ROR1: variants seen among roughly 807,000 people sequenced by gnomAD.
ROR1 encodes inactive tyrosine-protein kinase transmembrane receptor ROR1.
In ROR1, 19 loss-of-function variants were observed where a neutral mutation model predicts 78.8. The ratio of observed to expected loss-of-function variants is 0.24; its 90% confidence interval spans 0.17 to 0.35. ROR1 has a LOEUF of 0.35. ROR1 is among the 10% of genes least tolerant of loss of function. The probability of loss-of-function intolerance (pLI) is 1.00; values close to 1 mark genes in which losing one functional copy is unlikely to be tolerated. For missense variants in ROR1, 917 were observed against 1,177.8 expected, an observed-to-expected ratio of 0.78 and a Z score of 3.24; for synonymous variants, 386 against 433.6, an observed-to-expected ratio of 0.89 and a Z score of 1.36.
At chr1:64,068,645 A>G (rs1646977052) in intron 4 of ROR1, among the ~76,000 whole-genome samples, 1 of 152,240 alleles carries the variant, frequency 6.6e-6, no homozygotes, top group African/African-American at 2.4e-5. Context: ...ACAAAGTACA[A>G]CAAAGCAATA....
In ROR1 at chr1:64,127,857, G is replaced by A. The variant is rs138064211; in HGVS notation, c.483-9512G>A. On this transcript the variant is annotated intron_variant, in intron 4 of 8. Coordinates refer to ENST00000371079, the MANE Select transcript of ROR1 (RefSeq NM_005012.4). ...TCTCATACAGGCATTCTAATAACAAGTATTCACTTACTGTGGACCCAAGAA... is the reference window on the plus strand; with the variant it reads ...TCTCATACAGGCATTCTAATAACAAATATTCACTTACTGTGGACCCAAGAA... Among the ~76,000 whole-genome samples, 270 of 152,216 alleles carry A rather than the reference G, an allele frequency of 1.8e-3. 1 individual carries two copies. Among genetic ancestry groups the A allele is most frequent in the African/African-American group, 6.3e-3 (261 of 41,554 alleles).
At chr1:63,854,028 A>C (rs1441582474) in intron 1 of ROR1, among the ~76,000 whole-genome samples, 1 of 152,204 alleles carries the variant, frequency 6.6e-6, no homozygotes, top group Admixed American at 6.5e-5. Context: ...CAGTGGGCCC[A>C]TCTGTAGAAT....
chr1:64,158,105 G>A (rs1271913341), intron 7 of ROR1, among the ~76,000 whole-genome samples: 1 of 152,158 alleles, frequency 6.6e-6, no homozygotes, highest in African/African-American at 2.4e-5. Context: ...TGGTTTCAAT[G>A]GTTAGGCTCA....
At position 63,935,261 on chromosome 1, in the gene ROR1, A is replaced by T. The variant is rs549669644; in HGVS notation, c.92-74044A>T. On this transcript the variant is annotated intron_variant, in intron 1 of 8. Transcript: ENST00000371079. Reference sequence around the variant, plus strand: ...GAATGGAGGGAGCTGTATGAACTTTATGCTTATAGCTTAGTTCTGCAAGCC... The same window carrying T: ...GAATGGAGGGAGCTGTATGAACTTTTTGCTTATAGCTTAGTTCTGCAAGCC... Among the ~76,000 whole-genome samples the T allele has an allele frequency of 2.2e-3, 334 of 152,278 alleles. 1 individual carries two copies. The highest frequency in any genetic ancestry group is 4.1e-3 in the Non-Finnish European group (282 of 68,028).
At chr1:63,930,935 T>C (rs1355034661) in intron 1 of ROR1, among the ~76,000 whole-genome samples, 1 of 152,210 alleles carries the variant, frequency 6.6e-6, no homozygotes, top group Non-Finnish European at 1.5e-5. Context: ...AAATTTAACT[T>C]AGAAACACAC....
At chr1:63,808,839 A>G (rs972889358) in intron 1 of ROR1, among the ~76,000 whole-genome samples, 1 of 140,448 alleles carries the variant, frequency 7.1e-6, no homozygotes, top group African/African-American at 3.2e-5. Context: ...GTTTTCATTT[A>G]TGTTTTTTTT....
intron 1 of ROR1, among the ~76,000 whole-genome samples, chr1:63,972,684 A>G (rs1457223013): frequency 6.6e-6 from 1 of 152,170 alleles, no homozygotes; most frequent in Non-Finnish European, 1.5e-5. Flanking sequence ...ATGAGTTAAG[A>G]AGGTTGGGCA....
At chr1:63,984,289 G>A (rs767905479) in intron 1 of ROR1, among the ~76,000 whole-genome samples, 2 of 152,144 alleles carry the variant, frequency 1.3e-5, no homozygotes, top group Non-Finnish European at 2.9e-5. Flanking sequence ...GGGAGACTGT[G>A]CAGTGGAAGG....
chr1:63,907,226 G>A (rs893613019), intron 1 of ROR1, among the ~76,000 whole-genome samples: 3 of 152,200 alleles, frequency 2.0e-5, no homozygotes, highest in African/African-American at 7.2e-5. Flanking sequence ...TTGCCCAGGA[G>A]TATGGTGTGG....
At chr1:64,168,209 G>T (rs915356429) in intron 8 of ROR1, among the ~76,000 whole-genome samples, 2 of 152,194 alleles carry the variant, frequency 1.3e-5, no homozygotes, top group Non-Finnish European at 2.9e-5. Flanking sequence ...TGTCTGAATT[G>T]ACCACCTACC....
At chr1:63,957,367 CAAACAT>C (rs1645991932) in intron 1 of ROR1, among the ~76,000 whole-genome samples, 1 of 152,230 alleles carries the variant, frequency 6.6e-6, no homozygotes, top group Non-Finnish European at 1.5e-5. Flanking sequence ...TTTCTCTTAA[CAAACAT>C]AACTCTGACC....
chr1:64,084,698 A>G (rs1181074528), intron 4 of ROR1, among the ~76,000 whole-genome samples: 1 of 152,250 alleles, frequency 6.6e-6, no homozygotes, highest in Non-Finnish European at 1.5e-5. Flanking sequence ...CTGCCAGTTG[A>G]TATGTCTATG....
chr1:64,153,723 C>T (rs1649693081), intron 7 of ROR1, among the ~76,000 whole-genome samples: 1 of 151,950 alleles, frequency 6.6e-6, no homozygotes. Flanking sequence ...CAGAAAGTAC[C>T]ATGGTGGTTG....
chr1:63,822,147 A>G (rs1644927278), intron 1 of ROR1, among the ~76,000 whole-genome samples: 1 of 152,242 alleles, frequency 6.6e-6, no homozygotes, highest in South Asian at 2.1e-4. Flanking sequence ...GTGGGGGTTC[A>G]GAGATTATGA....
At chr1:64,014,769 T>TACAC (rs1273770371) in intron 2 of ROR1, among the ~76,000 whole-genome samples, 1 of 47,760 alleles carries the variant, frequency 2.1e-5, no homozygotes, top group Non-Finnish European at 4.9e-5. Context: ...TATATATATA[T>TACAC]ATATACACAT....
intron 2 of ROR1, among the ~76,000 whole-genome samples, chr1:64,037,422 G>A (rs922854132): frequency 2.6e-5 from 4 of 152,136 alleles, no homozygotes; most frequent in Non-Finnish European, 5.9e-5. Flanking sequence ...TTGCTAGCCC[G>A]AGCTGCAGTT....
intron 1 of ROR1, among the ~76,000 whole-genome samples, chr1:63,902,027 TA>T (rs1456055553): frequency 6.6e-6 from 1 of 152,194 alleles, no homozygotes; most frequent in Non-Finnish European, 1.5e-5. Context: ...TATCTTTTTT[TA>T]TGGTGACGTT....
chr1:63,782,941 T>A (rs921982609), intron 1 of ROR1, among the ~76,000 whole-genome samples: 1 of 152,050 alleles, frequency 6.6e-6, no homozygotes, highest in African/African-American at 2.4e-5. Context: ...TGTGATATGA[T>A]GTGAGCCTTG....
intron 1 of ROR1, among the ~76,000 whole-genome samples, chr1:63,933,387 A>C (rs1645769400): frequency 6.6e-6 from 1 of 152,200 alleles, no homozygotes; most frequent in South Asian, 2.1e-4. Context: ...GAGCTTAATC[A>C]GTGTCCCTTT....
Sources: gnomAD v4.1 joint callset for allele counts (sites outside exome capture counted in the v4.1 genomes callset) on GRCh38, gnomAD v4.1.1 for gene constraint, MANE v1.5 for transcripts, NCBI Gene and HGNC (gene_info 2026-07-23, HGNC 2026-07-21) for gene names.